The following AKAP13 variants were observed in gnomAD, a reference collection of about 807,000 sequenced individuals.
AKAP13 encodes A-kinase anchoring protein 13.
A neutral mutation model predicts 264.5 loss-of-function variants in AKAP13; 80 were observed. The ratio of observed to expected loss-of-function variants is 0.30; its 90% CI spans 0.25 to 0.36. The LOEUF (loss-of-function observed/expected upper bound fraction) is 0.36. Ranked by LOEUF, AKAP13 falls within the 10% of genes least tolerant of loss-of-function variation. The pLI is 1.00. For synonymous variants in AKAP13, 1,380 were observed against 1,250.2 expected (o/e 1.10, Z -2.19); for missense variants, 3,712 against 3,435.2 (o/e 1.08, Z -2.01).
Position 85,726,464 on chromosome 15 carries a change from A to G in AKAP13, c.6800A>G (p.Gln2267Arg). 1.9e-6 allele frequency: 3 copies of G among 1,613,510 alleles called. No homozygotes were observed. The highest frequency in any genetic ancestry group is 2.5e-6 in the Non-Finnish European group (3 of 1,179,474). ...TTAGTTTTCCTTCAAGAAAAAGACC[A>G]GAAGTACATCTTTGCATCATTGGTA... ...DILVFLQEKD[Q>R]KYIFASLDQK... Residue 2267 changes from glutamine to arginine, a missense_variant, in exon 27 of 37, where the codon CAG (glutamine) becomes CGG (arginine). Around this residue, in one of 3 missense-constraint regions of AKAP13, gnomAD observed 342 missense variants for 484.3 expected, o/e 0.71. Transcript: ENST00000394518.
chr15:85,723,618 TC>T (rs1567214750), intron 26 of AKAP13, among the ~76,000 whole-genome samples: 2 of 152,182 alleles, frequency 1.3e-5, no homozygotes, highest in Admixed American at 6.5e-5. Flanking sequence ...ATGCAAGCTG[TC>T]AAGGAAGGTG....
intron 1 of AKAP13, among the ~76,000 whole-genome samples, chr15:85,417,323 T>G (rs756966690): frequency 6.6e-6 from 1 of 152,226 alleles, no homozygotes; most frequent in Non-Finnish European, 1.5e-5. Flanking sequence ...TTTTTCTTTG[T>G]CTTAATTTAA....
chr15:85,478,866 A>C (rs1170510421), intron 1 of AKAP13, among the ~76,000 whole-genome samples: 1 of 151,992 alleles, frequency 6.6e-6, no homozygotes, highest in Non-Finnish European at 1.5e-5. Flanking sequence ...AGTGTGGGTC[A>C]TGATTCCAGA....
In AKAP13 at chr15:85,533,752, G is replaced by A. The variant is rs990608403; in HGVS notation, c.350G>A (p.Arg117His). The A allele has an allele frequency of 3.7e-6, 6 of 1,614,086 alleles. No individual in the cohort carries two copies. Among genetic ancestry groups the A allele is most frequent in the African/African-American group, 1.3e-5 (1 of 75,016 alleles). ...AGNQQALNFTRFLDQSGPPSG... is the reference protein window; with the variant it reads ...AGNQQALNFTHFLDQSGPPSG... Reference sequence around the variant, plus strand: ...AATCAGCAGGCTTTGAACTTTACCCGTTTTCTTGACCAGTCAGGACCCCCA... The same window carrying A: ...AATCAGCAGGCTTTGAACTTTACCCATTTTCTTGACCAGTCAGGACCCCCA... The change falls in exon 4 of 37, where the codon CGT (arginine) becomes CAT (histidine). Residue 117 changes from arginine (R) to histidine (H), a missense_variant. Arg to His is a conservative substitution (Grantham distance 29). Transcript: ENST00000394518.
chr15:85,459,064 A>G (rs2150994911), intron 1 of AKAP13, among the ~76,000 whole-genome samples: 1 of 152,356 alleles, frequency 6.6e-6, no homozygotes, highest in Middle Eastern at 3.4e-3. Context: ...CTTTGCATGA[A>G]CTTTAGATCC....
At chr15:85,562,086 GGTA>G (rs1321097650) in intron 5 of AKAP13, among the ~76,000 whole-genome samples, 1 of 151,974 alleles carries the variant, frequency 6.6e-6, no homozygotes, top group Admixed American at 6.6e-5. Flanking sequence ...TGCAAATTAC[GGTA>G]ATAATATTCT....
At chr15:85,562,409 A>G (rs75362463) in intron 5 of AKAP13, among the ~76,000 whole-genome samples, 12,167 of 151,212 alleles carry the variant, frequency 0.08, 772 homozygotes, top group East Asian at 0.36. Context: ...TACTAAAAAT[A>G]CAAAAATTAG....
At chr15:85,449,849 T>G (rs1188423388) in intron 1 of AKAP13, among the ~76,000 whole-genome samples, 1 of 152,218 alleles carries the variant, frequency 6.6e-6, no homozygotes, top group Non-Finnish European at 1.5e-5. Flanking sequence ...TGCACTGATA[T>G]TCATCAAGGA....
At chr15:85,478,656 G>A (rs2075256866) in intron 1 of AKAP13, among the ~76,000 whole-genome samples, 1 of 151,792 alleles carries the variant, frequency 6.6e-6, no homozygotes, top group South Asian at 2.1e-4. Flanking sequence ...GTTACCCTGT[G>A]TTAGACTCTT....
intron 9 of AKAP13, among the ~76,000 whole-genome samples, chr15:85,644,190 C>G (rs973593739): frequency 2.6e-5 from 4 of 151,446 alleles, no homozygotes; most frequent in Non-Finnish European, 4.4e-5. Flanking sequence ...CCAAATAACA[C>G]ATTAACTTGC....
At chr15:85,690,335 C>CA (rs2085210020) in intron 16 of AKAP13, among the ~76,000 whole-genome samples, 1 of 152,012 alleles carries the variant, frequency 6.6e-6, no homozygotes, top group Non-Finnish European at 1.5e-5. Flanking sequence ...CTTTCCTGAG[C>CA]AAAAAAATCA....
chr15:85,487,470 A>G (rs1050354978), intron 2 of AKAP13, among the ~76,000 whole-genome samples: 1 of 152,228 alleles, frequency 6.6e-6, no homozygotes, highest in Non-Finnish European at 1.5e-5. Context: ...TGATGAAAAC[A>G]TGTTGGATTT....
At position 85,724,411 on chromosome 15, in the gene AKAP13, C is replaced by T. The variant is rs2087478613; in HGVS notation, c.6745+1091C>T. Among the ~76,000 whole-genome samples, 2 of 151,824 alleles carry T rather than the reference C, an allele frequency of 1.3e-5. No homozygotes were observed. Among genetic ancestry groups the T allele is most frequent in the Non-Finnish European group, 1.5e-5 (1 of 68,004 alleles). ...AATAGAGTCAAGTCTTGAAGGATGA[C>T]GGCACATAAGGAGAAAGTGTTCCCC... On this transcript the variant is annotated intron_variant, in intron 26 of 36. Transcript: ENST00000394518. The surrounding 1 kb of genome is among the most constrained non-coding windows in gnomAD (Gnocchi z 4.2).
At chr15:85,389,781 G>A (rs2070761397) in intron 1 of AKAP13, 2 of 152,260 alleles carry the variant, frequency 1.3e-5, no homozygotes, top group African/African-American at 4.8e-5. Context: ...TGAACAGAAA[G>A]AGAAGGATCA....
intron 8 of AKAP13, chr15:85,620,088 C>T (rs1360951545): frequency 6.5e-7 from 1 of 1,536,030 alleles, no homozygotes; most frequent in Admixed American, 2.0e-5. Context: ...TGCATTTGGG[C>T]AAAATGTATG....
intron 14 of AKAP13, among the ~76,000 whole-genome samples, chr15:85,677,635 A>T (rs338512): frequency 0.21 from 30,797 of 145,674 alleles, 4,717 homozygotes; most frequent in East Asian, 0.54. Flanking sequence ...ACGTTTTGTG[A>T]GTGTGTGTTG....
intron 4 of AKAP13, among the ~76,000 whole-genome samples, chr15:85,542,274 C>G (rs192080549): frequency 6.6e-6 from 1 of 152,264 alleles, no homozygotes. Context: ...CCATGTGCCT[C>G]TGGTTAAACA....
intron 15 of AKAP13, among the ~76,000 whole-genome samples, chr15:85,682,713 G>T (rs531713717): frequency 1.0e-3 from 154 of 152,124 alleles, no homozygotes; most frequent in African/African-American, 3.6e-3. Flanking sequence ...TGTTGCCCAG[G>T]CTGGAGTGCA....
At chr15:85,391,758 C>T (rs185106642) in intron 1 of AKAP13, among the ~76,000 whole-genome samples, 3 of 150,526 alleles carry the variant, frequency 2.0e-5, no homozygotes, top group Admixed American at 2.0e-4. Flanking sequence ...GTGCTGGGAT[C>T]ATAGGTGTGA....
Sources: gnomAD v4.1 joint callset for allele counts (sites outside exome capture counted in the v4.1 genomes callset) on GRCh38, gnomAD v4.1.1 for gene constraint, gnomAD v4.1.1 regional missense constraint, Gnocchi (gnomAD v3.1) non-coding constraint, MANE v1.5 for transcripts, NCBI Gene and HGNC (gene_info 2026-07-23, HGNC 2026-07-21) for gene names.